GABRA5: variants seen among roughly 807,000 people sequenced by gnomAD.
The protein encoded by GABRA5 is gamma-aminobutyric acid receptor subunit alpha-5.
GABRA5 carries 18 observed loss-of-function variants against 47.3 expected under a neutral mutation model. The observed-to-expected ratio is 0.38, with a 90% CI of 0.26 to 0.56. GABRA5 has a LOEUF of 0.56. GABRA5 is among the 20% of genes least tolerant of loss of function. The pLI, the probability that GABRA5 is intolerant of heterozygous loss-of-function variation, is 0.71. For missense variants in GABRA5, 365 were observed against 599.3 expected (o/e 0.61, Z 4.08); for synonymous variants, 237 against 229.3 (o/e 1.03, Z -0.30).
At position 26,883,626 on chromosome 15, in the gene GABRA5, G is replaced by A; in HGVS notation, c.497+69G>A. ...GGCAGGCGCGGCTGCCCATCCTGCC[G>A]CAAGAGCTGCGCCGCGGAGCTGTTC... On this transcript the variant is annotated intron_variant, in intron 6 of 10. Transcript: ENST00000335625. The surrounding 1 kb of genome is among the most constrained non-coding windows in gnomAD (Gnocchi z 4.8). 4.1e-6 allele frequency: 5 copies of A among 1,231,500 alleles called. No individual in the cohort carries two copies. The highest frequency in any genetic ancestry group is 5.3e-5 in the East Asian group (2 of 37,592). 76.3% of individuals were successfully genotyped at this position (1,231,500 alleles called of 1,614,324 possible). A position where few individuals can be genotyped will look rare whatever the true frequency, so the allele number is the denominator to read the frequency against.
chr15:26,891,141 A>C (rs1892995804), intron 6 of GABRA5, among the ~76,000 whole-genome samples: 1 of 152,198 alleles, frequency 6.6e-6, no homozygotes, highest in Non-Finnish European at 1.5e-5. Context: ...CCGTCTGGCC[A>C]GGCCATGCTT....
In GABRA5 at chr15:26,883,536, GCACC is replaced by G; in HGVS notation, c.478_481del (p.Thr160CysfsTer7). ...AAGCTGCTGCGGCTGGAGGACGACG[GCACC>G]CTGCTCTACACCATGCGGTGAGCGC... On this transcript the variant is annotated frameshift_variant, in exon 6 of 11. Coordinates refer to ENST00000335625, the MANE Select transcript of GABRA5 (RefSeq NM_000810.4). LOFTEE classifies it high-confidence loss of function. This position sits in a 1 kb window ranked among gnomAD's most constrained non-coding sequence, Gnocchi z 4.8. 1 of 1,467,050 alleles carries G rather than the reference GCACC, an allele frequency of 6.8e-7. No homozygotes were observed. The highest frequency in any genetic ancestry group is 9.3e-7 in the Non-Finnish European group (1 of 1,079,488). 90.9% of individuals were successfully genotyped at this position (1,467,050 alleles called of 1,614,324 possible).
At chr15:26,900,872 C>T (rs1893311835) in intron 6 of GABRA5, among the ~76,000 whole-genome samples, 1 of 152,130 alleles carries the variant, frequency 6.6e-6, no homozygotes, top group Non-Finnish European at 1.5e-5. Flanking sequence ...CCCTCTCTCC[C>T]CTGAACCCCT....
chr15:26,877,260 A>G (rs1171173466), intron 3 of GABRA5, among the ~76,000 whole-genome samples: 2 of 152,210 alleles, frequency 1.3e-5, no homozygotes, highest in Non-Finnish European at 2.9e-5. Flanking sequence ...CTGTCCAGCC[A>G]GTGTCCATCT....
intron 7 of GABRA5, among the ~76,000 whole-genome samples, chr15:26,924,599 A>T (rs1893915437): frequency 6.6e-6 from 1 of 152,082 alleles, no homozygotes; most frequent in South Asian, 2.1e-4. Context: ...TGGCCCCCTT[A>T]GTCTGTGGCC....
intron 6 of GABRA5, among the ~76,000 whole-genome samples, chr15:26,902,105 C>T (rs1017471134): frequency 5.9e-5 from 9 of 152,030 alleles, no homozygotes; most frequent in East Asian, 5.8e-4. Flanking sequence ...TCTTTTCCCT[C>T]GATATCATTA....
intron 3 of GABRA5, among the ~76,000 whole-genome samples, chr15:26,875,365 C>T (rs1048104929): frequency 2.0e-5 from 3 of 152,222 alleles, no homozygotes; most frequent in Admixed American, 1.3e-4. Flanking sequence ...TCTCACCATG[C>T]ACCAGGCACT....
At chr15:26,906,208 T>C (rs1041518228) in intron 6 of GABRA5, among the ~76,000 whole-genome samples, 4 of 152,092 alleles carry the variant, frequency 2.6e-5, no homozygotes, top group African/African-American at 7.2e-5. Context: ...GTGAAATCTG[T>C]ATTGTTTGTT....
intron 6 of GABRA5, among the ~76,000 whole-genome samples, chr15:26,895,932 G>T (rs959956650): frequency 6.6e-6 from 1 of 151,998 alleles, no homozygotes; most frequent in African/African-American, 2.4e-5. Flanking sequence ...GCTGGGTACA[G>T]AGTCTCCCCG....
chr15:26,899,591 G>A (rs1893278422), intron 6 of GABRA5, among the ~76,000 whole-genome samples: 1 of 152,114 alleles, frequency 6.6e-6, no homozygotes, highest in Non-Finnish European at 1.5e-5. Flanking sequence ...AGTTTGGTCT[G>A]ATATATTTTT....
intron 2 of GABRA5, among the ~76,000 whole-genome samples, 180 bp from the exon 3 acceptor site, chr15:26,868,995 T>A (rs892114584): frequency 6.6e-6 from 1 of 152,204 alleles, no homozygotes; most frequent in Non-Finnish European, 1.5e-5. Context: ...TACTTATTTT[T>A]ATGCTCCAAC....
At chr15:26,930,901 T>C (rs1201061049) in intron 7 of GABRA5, among the ~76,000 whole-genome samples, 3 of 144,510 alleles carry the variant, frequency 2.1e-5, no homozygotes, top group South Asian at 2.2e-4. Context: ...TTTTCTTTTT[T>C]TTTTTTTTTT....
chr15:26,883,538 A>G lies in GABRA5; in HGVS notation c.478A>G (p.Thr160Ala), dbSNP rs761854701. Reference protein sequence around the residue: ...NKLLRLEDDGTLLYTMRLTIS... With the variant: ...NKLLRLEDDGALLYTMRLTIS... ...GCTGCTGCGGCTGGAGGACGACGGC[A>G]CCCTGCTCTACACCATGCGGTGAGC... Residue 160 changes from threonine (T) to alanine (A), a missense_variant, in exon 6 of 11, where the codon ACC becomes GCC. Around this residue, in one of 3 missense-constraint regions of GABRA5, gnomAD observed 216 missense variants for 335.3 expected, o/e 0.64. Transcript: ENST00000335625. This position sits in a 1 kb window ranked among gnomAD's most constrained non-coding sequence, Gnocchi z 4.8. 1 of 1,435,182 alleles carries G rather than the reference A, an allele frequency of 7.0e-7. No homozygotes were observed. The highest frequency in any genetic ancestry group is 9.5e-7 in the Non-Finnish European group (1 of 1,047,986). The allele number at this position is 1,435,182 out of a possible 1,614,324, so 88.9% of individuals were successfully genotyped here. A position where few individuals can be genotyped will look rare whatever the true frequency, so the allele number is the denominator to read the frequency against.
At position 26,867,497 on chromosome 15, in the gene GABRA5, A is replaced by C. The variant is rs954222673; in HGVS notation, c.-140+386A>C. ...CTTCTCCTCGGGGCGCCTGAGCGGC[A>C]GGCTGCGTGGCCGGGGAGGAGAGGT... On this transcript the variant is annotated intron_variant, in intron 1 of 10. Transcript: ENST00000335625. The surrounding 1 kb of genome is among the most constrained non-coding windows in gnomAD (Gnocchi z 5.9). 3 of 152,126 alleles carry C rather than the reference A, an allele frequency of 2.0e-5. No individual in the cohort carries two copies. The highest frequency in any genetic ancestry group is 7.3e-5 in the African/African-American group (3 of 41,324). The allele number at this position is 152,126 out of a possible 1,614,324, so 9.4% of individuals were successfully genotyped here.
chr15:26,930,442 C>T (rs1438402267), intron 7 of GABRA5, among the ~76,000 whole-genome samples: 1 of 152,204 alleles, frequency 6.6e-6, no homozygotes, highest in East Asian at 1.9e-4. Flanking sequence ...AACTCCATTA[C>T]TCCTAGTTCC....
chr15:26,894,294 C>A (rs940258757), intron 6 of GABRA5, among the ~76,000 whole-genome samples: 2 of 152,186 alleles, frequency 1.3e-5, no homozygotes, highest in Non-Finnish European at 1.5e-5. Context: ...GCAACGCAAA[C>A]CTCGACTCCA....
intron 3 of GABRA5, among the ~76,000 whole-genome samples, chr15:26,879,493 T>C (rs1362573865): frequency 1.3e-5 from 2 of 152,202 alleles, no homozygotes; most frequent in African/African-American, 4.8e-5. Context: ...ATCTGTGGGC[T>C]CCGTACTAAC....
At chr15:26,927,881 A>G (rs1595428648) in intron 7 of GABRA5, among the ~76,000 whole-genome samples, 2 of 152,324 alleles carry the variant, frequency 1.3e-5, no homozygotes, top group Admixed American at 1.3e-4. Context: ...CTGAATTAAC[A>G]GACATTTCTG....
Position 26,883,068 on chromosome 15 carries a change from T to G in GABRA5, c.209-98T>G, listed in dbSNP as rs529004352. On this transcript the variant is annotated intron_variant, in intron 4 of 10. Transcript: ENST00000335625. This position sits in a 1 kb window ranked among gnomAD's most constrained non-coding sequence, Gnocchi z 4.8. ...CAAACGCACTGCAAAAGCCCCCGGT[T>G]GCAGAGGGTGACCCTGGTTACTGGA... 17 of 955,024 alleles carry G rather than the reference T, an allele frequency of 1.8e-5. No individual in the cohort carries two copies. The South Asian group carries it at 2.2e-4, about 12-fold the overall frequency. The allele number at this position is 955,024 out of a possible 1,614,324, so 59.2% of individuals were successfully genotyped here.
Sources: allele counts gnomAD v4.1 joint callset (sites outside exome capture counted in the v4.1 genomes callset), GRCh38; gene constraint gnomAD v4.1.1; regional missense constraint gnomAD v4.1.1; non-coding constraint Gnocchi (gnomAD v3.1); transcripts MANE v1.5; gene names NCBI Gene and HGNC (gene_info 2026-07-23, HGNC 2026-07-21).